Variants in DNAJC10 observed in about 807,000 individuals in gnomAD.
The protein encoded by DNAJC10 is endoplasmic reticulum disulfide reductase DNAJC10.
A neutral mutation model predicts 115.0 loss-of-function variants in DNAJC10; 101 were observed. The observed-to-expected ratio is 0.88, with a 90% CI of 0.75 to 1.04. The LOEUF (loss-of-function observed/expected upper bound fraction) is 1.04. DNAJC10 is among the 50% of genes least tolerant of loss of function. DNAJC10 has a pLI of 0.00. For synonymous variants in DNAJC10, 307 were observed against 301.5 expected, an observed-to-expected ratio of 1.02 and a Z score of -0.19; for missense variants, 981 against 928.8, an observed-to-expected ratio of 1.06 and a Z score of -0.73.
rs1694955350 is a variant in DNAJC10 at position 182,786,849 on chromosome 2, TG to T, written c.*9719del. 1 of 152,198 alleles carries T rather than the reference TG, an allele frequency of 6.6e-6. No individual in the cohort carries two copies. Among genetic ancestry groups the T allele is most frequent in the South Asian group, 2.1e-4 (1 of 4,830 alleles). The allele number at this position is 152,198 out of a possible 1,614,324, so 9.4% of individuals were successfully genotyped here. On this transcript the variant is annotated 3_prime_UTR_variant, in exon 24 of 24. Coordinates refer to ENST00000264065, the MANE Select transcript of DNAJC10 (RefSeq NM_018981.4). ...GTTGAAATCCTAACCCCCAAGGTAA[TG>T]GTATTAGGAATGTGAGGCCTTTGGG...
At chr2:182,755,227 T>C in intron 17 of DNAJC10, 123 bp downstream of exon 17, 1 of 658,832 alleles carries the variant, frequency 1.5e-6, no homozygotes, top group East Asian at 2.8e-5. Context: ...TCTTACAAAA[T>C]GATTTTTAAA....
intron 14 of DNAJC10, 54 bp from the exon 15 acceptor site, chr2:182,751,604 T>C (rs1342432464): frequency 6.3e-7 from 1 of 1,576,634 alleles, no homozygotes; most frequent in Non-Finnish European, 8.6e-7. Context: ...GAAATGTCTC[T>C]GTGCATACAA....
intron 19 of DNAJC10, 57 bp from the exon 20 acceptor site, chr2:182,758,780 T>C: frequency 8.3e-7 from 1 of 1,205,192 alleles, no homozygotes; most frequent in East Asian, 2.3e-5. Flanking sequence ...GATTGTTTTC[T>C]GAATACATCC....
intron 11 of DNAJC10, 158 bp from the exon 12 acceptor site, chr2:182,740,141 A>G: frequency 8.6e-7 from 1 of 1,161,636 alleles, no homozygotes; most frequent in Non-Finnish European, 1.1e-6. Context: ...GCCAAAATAC[A>G]CTTTTTTTGA....
rs560812187 is a variant in DNAJC10, at chr2:182,730,360, ATAGT to A, written c.727+420_727+423del. On this transcript the variant is annotated intron_variant, in intron 8 of 23. Coordinates refer to ENST00000264065, the MANE Select transcript of DNAJC10 (RefSeq NM_018981.4). Reference sequence around the variant, plus strand: ...TGCCTTTAGGCAGATTAAGCTAATAATAGTATTTGTGGCTCAAGATGTTCATTTT... The same window carrying A: ...TGCCTTTAGGCAGATTAAGCTAATAAATTTGTGGCTCAAGATGTTCATTTT... Among the ~76,000 whole-genome samples, 46 of 152,300 alleles carry A rather than the reference ATAGT, an allele frequency of 3.0e-4. No individual in the cohort carries two copies. The East Asian group carries it at 8.7e-3, about 29-fold the overall frequency.
At chr2:182,737,594 C>G (rs1232439573) in intron 11 of DNAJC10, among the ~76,000 whole-genome samples, 1 of 152,068 alleles carries the variant, frequency 6.6e-6, no homozygotes, top group African/African-American at 2.4e-5. Context: ...TGCACCTATA[C>G]GTATATGTGT....
At chr2:182,720,297 G>A in intron 4 of DNAJC10, 128 bp downstream of exon 4, 1 of 747,552 alleles carries the variant, frequency 1.3e-6, no homozygotes, top group Non-Finnish European at 2.2e-6. Flanking sequence ...ATTTGCTGTG[G>A]GAGTGAAATT....
chr2:182,718,920 CAAG>C (rs1462956110), intron 3 of DNAJC10, among the ~76,000 whole-genome samples: 11 of 152,032 alleles, frequency 7.2e-5, no homozygotes, highest in African/African-American at 2.2e-4. Flanking sequence ...TCATCATTAA[CAAG>C]AAGACATAGT....
chr2:182,776,816 T>G (rs1308656392), intron 23 of DNAJC10, among the ~76,000 whole-genome samples: 1 of 152,194 alleles, frequency 6.6e-6, no homozygotes, highest in Non-Finnish European at 1.5e-5. Flanking sequence ...ATATTTGAAA[T>G]TTAAAAATTG....
rs187445865 is a variant in DNAJC10 at position 182,788,132 on chromosome 2, G to A, written c.*11000G>A. 72 of 153,448 alleles carry A rather than the reference G, an allele frequency of 4.7e-4. No individual in the cohort carries two copies. Among genetic ancestry groups the A allele is most frequent in the Non-Finnish European group, 9.0e-4 (62 of 68,762 alleles). 9.5% of individuals were successfully genotyped at this position (153,448 alleles called of 1,614,324 possible). On this transcript the variant is annotated 3_prime_UTR_variant, in exon 24 of 24. Transcript: ENST00000264065. ...ACAGAGAAGGGTGGCAAGAAGGGCT[G>A]TTCTGCCATCAATGAGGTGGTGACC...
chr2:182,743,190 T>G (rs1343832503), intron 13 of DNAJC10, among the ~76,000 whole-genome samples: 1 of 152,190 alleles, frequency 6.6e-6, no homozygotes, highest in Non-Finnish European at 1.5e-5. Context: ...TGCCACAGAT[T>G]TGTTCCTGGT....
Position 182,747,224 on chromosome 2 carries a change from G to A in DNAJC10, c.1306+3512G>A, listed in dbSNP as rs1436068065. 1.7e-3 allele frequency among the ~76,000 whole-genome samples: 256 copies of A among 150,644 alleles called. 1 individual carries two copies. Among genetic ancestry groups the A allele is most frequent in the African/African-American group, 5.9e-3 (245 of 41,234 alleles). On this transcript the variant is annotated intron_variant, in intron 14 of 23. Coordinates refer to ENST00000264065, the MANE Select transcript of DNAJC10 (RefSeq NM_018981.4). Reference sequence around the variant, plus strand: ...GACTTGGCAATGCGGGCTCTTTTTTGGTTCCATATGAACTTTAAAGTAGTT... The same window carrying A: ...GACTTGGCAATGCGGGCTCTTTTTTAGTTCCATATGAACTTTAAAGTAGTT...
chr2:182,717,774 A>C (rs376327300), intron 2 of DNAJC10, among the ~76,000 whole-genome samples, 167 bp from the exon 3 acceptor site: 121 of 152,376 alleles, frequency 7.9e-4, no homozygotes, highest in African/African-American at 2.7e-3. Flanking sequence ...GTGATTTCAC[A>C]AATCTAGCTA....
chr2:182,755,989 ATT>A (rs972697703), intron 17 of DNAJC10, among the ~76,000 whole-genome samples: 3 of 152,198 alleles, frequency 2.0e-5, no homozygotes, highest in African/African-American at 7.2e-5. Flanking sequence ...TTATTTTCAT[ATT>A]TTAAGATAAT....
chr2:182,728,395 A>G (rs1693346204), intron 5 of DNAJC10, among the ~76,000 whole-genome samples, 181 bp from the exon 6 acceptor site: 8 of 152,178 alleles, frequency 5.3e-5, no homozygotes, highest in Admixed American at 5.2e-4. Context: ...AAAAATTTTT[A>G]ATTTTTTAAA....
At chr2:182,739,697 T>G in intron 11 of DNAJC10, 1 of 1,029,788 alleles carries the variant, frequency 9.7e-7, no homozygotes. Context: ...AAAACAAGTT[T>G]AAGATAAGAT....
rs771646474 is a variant in DNAJC10 at position 182,757,740 on chromosome 2, C to A, written c.1858C>A (p.His620Asn). 5.0e-6 allele frequency: 8 copies of A among 1,605,234 alleles called. No homozygotes were observed. Among genetic ancestry groups the A allele is most frequent in the Admixed American group, 1.7e-5 (1 of 58,854 alleles). ...NVGSIDCQQYHSFCAQENVQR... is the reference protein window; with the variant it reads ...NVGSIDCQQYNSFCAQENVQR... ...GGGCAGTATAGATTGCCAACAGTAT[C>A]ATTCTTTTTGTGCCCAGGAAAACGT... The change falls in exon 19 of 24, where the codon CAT (histidine) becomes AAT (asparagine). Residue 620 changes from histidine (H) to asparagine (N), a missense_variant. Physicochemically the swap from His to Asn is moderately conservative, Grantham distance 68. Transcript: ENST00000264065.
At chr2:182,720,249 A>T in intron 4 of DNAJC10, 80 bp downstream of exon 4, 1 of 1,219,882 alleles carries the variant, frequency 8.2e-7, no homozygotes, top group Non-Finnish European at 1.2e-6. Flanking sequence ...CACTTAGCTT[A>T]TATATTTAAG....
chr2:182,733,192 C>G (rs1271362073), intron 10 of DNAJC10, among the ~76,000 whole-genome samples: 5 of 152,046 alleles, frequency 3.3e-5, no homozygotes, highest in Non-Finnish European at 5.9e-5. Flanking sequence ...ATATTTCTGT[C>G]AGTTCTTCCT....
Sources: allele counts gnomAD v4.1 joint callset (sites outside exome capture counted in the v4.1 genomes callset), GRCh38; gene constraint gnomAD v4.1.1; transcripts MANE v1.5; gene names NCBI Gene and HGNC (gene_info 2026-07-23, HGNC 2026-07-21).